The following GRIN2B variants were observed in gnomAD, a reference collection of about 807,000 sequenced individuals.
GRIN2B encodes glutamate ionotropic receptor NMDA type subunit 2B, also known as glutamate receptor ionotropic, NMDA 2B.
Under a neutral mutation model 114.5 loss-of-function variants are expected in GRIN2B, and 5 were observed. That is an observed-to-expected ratio of 0.04 (90% CI 0.02 to 0.09). The LOEUF (loss-of-function observed/expected upper bound fraction) is 0.09. GRIN2B is among the 10% of genes least tolerant of loss of function. The probability of loss-of-function intolerance (pLI) is 1.00; values close to 1 mark genes in which losing one functional copy is unlikely to be tolerated. For synonymous variants in GRIN2B, 787 were observed against 745.1 expected (o/e 1.06, Z -0.92); for missense variants, 1,108 against 1,943.5 (o/e 0.57, Z 8.08).
chr12:13,726,914 G>A (rs375048573), intron 4 of GRIN2B, among the ~76,000 whole-genome samples: 80 of 152,080 alleles, frequency 5.3e-4, no homozygotes, highest in African/African-American at 1.7e-3. Flanking sequence ...AGAACATACC[G>A]TTTGGTTTTC....
At chr12:13,616,084 T>C (rs1026992302) in intron 6 of GRIN2B, among the ~76,000 whole-genome samples, 2 of 152,164 alleles carry the variant, frequency 1.3e-5, no homozygotes, top group African/African-American at 4.8e-5. Flanking sequence ...TTTAAAAGCA[T>C]AGATTAGTTT....
At chr12:13,649,701 G>A (rs530194458) in intron 5 of GRIN2B, among the ~76,000 whole-genome samples, 1 of 152,088 alleles carries the variant, frequency 6.6e-6, no homozygotes, top group African/African-American at 2.4e-5. Context: ...AGACTGTTTG[G>A]GAAAATGTCC....
At chr12:13,813,614 T>C (rs982511542) in intron 3 of GRIN2B, among the ~76,000 whole-genome samples, 3 of 152,290 alleles carry the variant, frequency 2.0e-5, no homozygotes, top group African/African-American at 7.2e-5. Context: ...TCTACAAGAT[T>C]CTACAGCAGA....
At chr12:13,669,964 T>C (rs1243379691) in intron 5 of GRIN2B, among the ~76,000 whole-genome samples, 3 of 152,066 alleles carry the variant, frequency 2.0e-5, no homozygotes, top group African/African-American at 7.2e-5. Context: ...TCCCTTAGCC[T>C]GTCTTATTTA....
chr12:13,562,665 A>T lies in GRIN2B; in HGVS notation c.*118T>A. ...AACTCCAGGATCCCATAAATAAATTAAAACAAGAAAGGAGCAAATGGGAAC... is the reference window on the plus strand; with the variant it reads ...AACTCCAGGATCCCATAAATAAATTTAAACAAGAAAGGAGCAAATGGGAAC... On this transcript the variant is annotated 3_prime_UTR_variant, in exon 14 of 14. Transcript: ENST00000609686. 1 of 891,530 alleles carries T rather than the reference A, an allele frequency of 1.1e-6. No individual in the cohort carries two copies. The highest frequency in any genetic ancestry group is 1.9e-6 in the Non-Finnish European group (1 of 534,674). The allele number at this position is 891,530 out of a possible 1,614,324, so 55.2% of individuals were successfully genotyped here. A position where few individuals can be genotyped will look rare whatever the true frequency, so the allele number is the denominator to read the frequency against.
chr12:13,968,393 C>T (rs1170410012), intron 2 of GRIN2B, among the ~76,000 whole-genome samples: 1 of 152,126 alleles, frequency 6.6e-6, no homozygotes, highest in Non-Finnish European at 1.5e-5. Flanking sequence ...CAGGGGTCAA[C>T]ACGATAACTG....
At chr12:13,833,671 T>C (rs1865194356) in intron 3 of GRIN2B, among the ~76,000 whole-genome samples, 1 of 152,184 alleles carries the variant, frequency 6.6e-6, no homozygotes, top group Non-Finnish European at 1.5e-5. Flanking sequence ...ATGGGACTGA[T>C]AGAAACAAAC....
At chr12:13,932,128 T>C (rs893913753) in intron 2 of GRIN2B, among the ~76,000 whole-genome samples, 3 of 152,220 alleles carry the variant, frequency 2.0e-5, no homozygotes, top group Admixed American at 6.5e-5. Context: ...TTCCTTTTTT[T>C]AATACACTTA....
intron 3 of GRIN2B, among the ~76,000 whole-genome samples, chr12:13,767,129 G>A (rs1863808389): frequency 6.6e-6 from 1 of 151,996 alleles, no homozygotes; most frequent in Non-Finnish European, 1.5e-5. Flanking sequence ...GCGTGGTGGC[G>A]GGCGCCTGTA....
chr12:13,729,952 C>T (rs974468723), intron 4 of GRIN2B, among the ~76,000 whole-genome samples: 106 of 151,418 alleles, frequency 7.0e-4, no homozygotes, highest in African/African-American at 2.4e-3. Flanking sequence ...ATTGTCAGCA[C>T]ATGTATCTTT....
intron 3 of GRIN2B, among the ~76,000 whole-genome samples, chr12:13,807,119 T>C (rs1371164450): frequency 6.6e-6 from 1 of 152,150 alleles, no homozygotes; most frequent in Non-Finnish European, 1.5e-5. Context: ...AGCCATTTCG[T>C]CTTGAAATTT....
chr12:13,599,610 G>C (rs1028586707), intron 10 of GRIN2B, among the ~76,000 whole-genome samples: 1 of 152,090 alleles, frequency 6.6e-6, no homozygotes, highest in African/African-American at 2.4e-5. Flanking sequence ...AGCCCTCCCC[G>C]TACTAAAACA....
chr12:13,976,286 C>T (rs903822071), intron 2 of GRIN2B, among the ~76,000 whole-genome samples: 2 of 152,214 alleles, frequency 1.3e-5, no homozygotes, highest in Non-Finnish European at 2.9e-5. Flanking sequence ...ACCAGTAACT[C>T]TTTTGATCTA....
Position 13,554,626 on chromosome 12 carries a change from G to A in GRIN2B, c.*8157C>T, listed in dbSNP as rs1287499468. 1.3e-5 allele frequency: 2 copies of A among 152,136 alleles called. No individual in the cohort carries two copies. The highest frequency in any genetic ancestry group is 4.8e-5 in the African/African-American group (2 of 41,438). The allele number at this position is 152,136 out of a possible 1,614,324, so 9.4% of individuals were successfully genotyped here. The stretch of plus-strand genomic sequence containing the variant: ...AAGGTTGTTTCTTGATCTGAAGAAT[G>A]ACATCTGATTTATATGTAGGAAGTG... On this transcript the variant is annotated 3_prime_UTR_variant, in exon 14 of 14. Transcript: ENST00000609686.
intron 3 of GRIN2B, among the ~76,000 whole-genome samples, chr12:13,862,026 G>C (rs549139936): frequency 1.3e-5 from 2 of 152,134 alleles, no homozygotes; most frequent in South Asian, 4.2e-4. Context: ...TCAGGGATTG[G>C]TGACTTGTCC....
chr12:13,733,635 A>T (rs1209816928), intron 4 of GRIN2B, among the ~76,000 whole-genome samples: 1 of 152,172 alleles, frequency 6.6e-6, no homozygotes, highest in African/African-American at 2.4e-5. Context: ...GCTTGCGTAG[A>T]GGCTCTTAAT....
intron 3 of GRIN2B, among the ~76,000 whole-genome samples, chr12:13,811,594 A>C (rs1432370518): frequency 6.6e-6 from 1 of 152,180 alleles, no homozygotes; most frequent in Non-Finnish European, 1.5e-5. Flanking sequence ...ATAAATAAAT[A>C]TGGTCACTAT....
At chr12:13,964,250 A>C (rs1867749938) in intron 2 of GRIN2B, among the ~76,000 whole-genome samples, 1 of 152,110 alleles carries the variant, frequency 6.6e-6, no homozygotes, top group South Asian at 2.1e-4. Context: ...GGGCTCCTAC[A>C]TTACTTGATT....
Position 13,621,365 on chromosome 12 carries a change from G to A in GRIN2B, c.1126-4708C>T, listed in dbSNP as rs1275634097. ...CAGAGACAATGTAGCGAGAAGAACT[G>A]AATGAAGAATTTATGCTTGAGATTA... On this transcript the variant is annotated intron_variant, in intron 5 of 13. Coordinates refer to ENST00000609686, the MANE Select transcript of GRIN2B (RefSeq NM_000834.5). Among the ~76,000 whole-genome samples, 7 of 152,122 alleles carry A rather than the reference G, an allele frequency of 4.6e-5. No homozygotes were observed. The South Asian group carries it at 1.5e-3, about 32-fold the overall frequency.
Sources: allele counts gnomAD v4.1 joint callset (sites outside exome capture counted in the v4.1 genomes callset), GRCh38; gene constraint gnomAD v4.1.1; transcripts MANE v1.5; gene names NCBI Gene and HGNC (gene_info 2026-07-23, HGNC 2026-07-21).